Variants in SDC2 observed in about 807,000 individuals in gnomAD.
SDC2 encodes the protein syndecan-2.
A neutral mutation model predicts 22.2 loss-of-function variants in SDC2; 13 were observed. That is an observed-to-expected ratio of 0.59 (90% confidence interval 0.38 to 0.93). The LOEUF is 0.93. Ranked by LOEUF, SDC2 falls within the 40% of genes least tolerant of loss-of-function variation. The pLI, the probability that SDC2 is intolerant of heterozygous loss-of-function variation, is 0.00. For synonymous variants in SDC2, 94 were observed against 92.8 expected, an observed-to-expected ratio of 1.01 and a Z score of -0.07; for missense variants, 235 against 246.8, an observed-to-expected ratio of 0.95 and a Z score of 0.32.
At chr8:96,570,225 A>G (rs1438748702) in intron 1 of SDC2, among the ~76,000 whole-genome samples, 4 of 152,200 alleles carry the variant, frequency 2.6e-5, no homozygotes, top group Non-Finnish European at 2.9e-5. Context: ...TTCAGCGACT[A>G]TCCCAAGCTC....
rs575273690 is a variant in SDC2, at chr8:96,493,887, CT to C, written c.-382del. The C allele has an allele frequency of 5.1e-3, 1,046 of 207,082 alleles. 7 individuals carry two copies. Among genetic ancestry groups the C allele is most frequent in the South Asian group, 0.022 (208 of 9,604 alleles). 12.8% of individuals were successfully genotyped at this position (207,082 alleles called of 1,614,324 possible). ...GCCCCTAAACTTCTGCCGTAGCTCCCTTTCAAGCCAGCGAATTTATTCCTTA... is the reference window on the plus strand; with the variant it reads ...GCCCCTAAACTTCTGCCGTAGCTCCCTTCAAGCCAGCGAATTTATTCCTTA... On this transcript the variant is annotated 5_prime_UTR_variant, in exon 1 of 5. Coordinates refer to ENST00000302190, the MANE Select transcript of SDC2 (RefSeq NM_002998.4).
At chr8:96,574,199 A>C (rs1814449483) in intron 1 of SDC2, among the ~76,000 whole-genome samples, 1 of 152,040 alleles carries the variant, frequency 6.6e-6, no homozygotes, top group Admixed American at 6.5e-5. Flanking sequence ...GGGGTCTCGC[A>C]AGTCTCTAGC....
chr8:96,565,923 A>C lies in SDC2; in HGVS notation c.61-27557A>C, dbSNP rs571705228. On this transcript the variant is annotated intron_variant, in intron 1 of 4. Transcript: ENST00000302190. ...TACCCCACAGAAGATTCATATTGTT[A>C]GTGAAAAATATGCCACCGAGAAGAC... Among the ~76,000 whole-genome samples the C allele has an allele frequency of 2.0e-5, 3 of 152,234 alleles. No homozygotes were observed. In the South Asian group the frequency reaches 6.2e-4, roughly 32 times the overall value.
Position 96,565,299 on chromosome 8 carries a change from A to G in SDC2, c.61-28181A>G, listed in dbSNP as rs549505106. The stretch of plus-strand genomic sequence containing the variant: ...ACAGGGTTTCACCATGTTGGCCGGG[A>G]TGGTCTCGATCTCCTGACCTCGTGA... On this transcript the variant is annotated intron_variant, in intron 1 of 4. Transcript: ENST00000302190. Among the ~76,000 whole-genome samples, 7 of 151,194 alleles carry G rather than the reference A, an allele frequency of 4.6e-5. No homozygotes were observed. In the East Asian group the frequency reaches 1.4e-3, roughly 29 times the overall value.
At chr8:96,525,504 A>G (rs187023405) in intron 1 of SDC2, among the ~76,000 whole-genome samples, 38 of 152,274 alleles carry the variant, frequency 2.5e-4, no homozygotes, top group African/African-American at 8.7e-4. Context: ...GCTTGGGGGC[A>G]TGGAGAAGGT....
At chr8:96,494,675 G>A (rs550435940) in intron 1 of SDC2, among the ~76,000 whole-genome samples, 4 of 152,166 alleles carry the variant, frequency 2.6e-5, no homozygotes, top group African/African-American at 9.6e-5. Flanking sequence ...GTGGCAGGAG[G>A]GGGGAGCCTG....
intron 1 of SDC2, among the ~76,000 whole-genome samples, chr8:96,504,181 A>G (rs1331886567): frequency 6.6e-6 from 1 of 152,258 alleles, no homozygotes; most frequent in African/African-American, 2.4e-5. Flanking sequence ...GGCATATTAT[A>G]TTTGGCTAGT....
At chr8:96,540,092 G>A (rs947447572) in intron 1 of SDC2, among the ~76,000 whole-genome samples, 1 of 151,040 alleles carries the variant, frequency 6.6e-6, no homozygotes, top group African/African-American at 2.4e-5. Flanking sequence ...TTCATTACAT[G>A]AATATGAAAA....
intron 1 of SDC2, among the ~76,000 whole-genome samples, chr8:96,494,877 A>G (rs1418686565): frequency 2.0e-5 from 3 of 152,162 alleles, no homozygotes; most frequent in Non-Finnish European, 4.4e-5. Flanking sequence ...AAAGTTTGCA[A>G]AAGTTCTTTT....
chr8:96,608,581 G>C, intron 4 of SDC2, 111 bp downstream of exon 4: 2 of 940,278 alleles, frequency 2.1e-6, no homozygotes, highest in Non-Finnish European at 3.1e-6. Flanking sequence ...GCTGAAAGCA[G>C]TCTTGTGGGT....
chr8:96,494,121 A>G lies in SDC2; in HGVS notation c.-151A>G. On this transcript the variant is annotated 5_prime_UTR_variant, in exon 1 of 5. Coordinates refer to ENST00000302190, the MANE Select transcript of SDC2 (RefSeq NM_002998.4). ...CAGGAGGAGGAAGCGAGCGCCCCCG[A>G]GCCCCGAGCCCGAGTCCCCGAGCCT... The G allele has an allele frequency of 1.4e-6, 1 of 716,494 alleles. No individual in the cohort carries two copies. The highest frequency in any genetic ancestry group is 2.2e-6 in the Non-Finnish European group (1 of 454,808). 44.4% of individuals were successfully genotyped at this position (716,494 alleles called of 1,614,324 possible).
chr8:96,583,609 CTAACCAGTTATCT>C (rs905732785), intron 1 of SDC2, among the ~76,000 whole-genome samples: 3 of 149,990 alleles, frequency 2.0e-5, no homozygotes, highest in Admixed American at 1.3e-4. Flanking sequence ...ATCCACCACC[CTAACCAGTTATCT>C]TTCTTCTTCA....
At chr8:96,518,308 C>T (rs1003551007) in intron 1 of SDC2, among the ~76,000 whole-genome samples, 2 of 150,902 alleles carry the variant, frequency 1.3e-5, no homozygotes, top group African/African-American at 2.4e-5. Context: ...TCCTGTGACA[C>T]GGTGCACTTC....
At chr8:96,542,381 A>G (rs1813864698) in intron 1 of SDC2, among the ~76,000 whole-genome samples, 1 of 152,254 alleles carries the variant, frequency 6.6e-6, no homozygotes. Context: ...CACAGCACCC[A>G]GCACAGTAAA....
At chr8:96,579,005 G>A (rs1586311303) in intron 1 of SDC2, among the ~76,000 whole-genome samples, 1 of 152,224 alleles carries the variant, frequency 6.6e-6, no homozygotes, top group Admixed American at 6.5e-5. Flanking sequence ...TTGTAGCTCA[G>A]TCCCTTGTAA....
chr8:96,608,198 C>A, intron 3 of SDC2, 137 bp from the exon 4 acceptor site: 2 of 748,726 alleles, frequency 2.7e-6, no homozygotes, highest in Non-Finnish European at 4.3e-6. Context: ...ATAAACATCA[C>A]ACAAGTGATT....
intron 1 of SDC2, among the ~76,000 whole-genome samples, chr8:96,518,264 G>C (rs1044214013): frequency 7.9e-5 from 12 of 151,556 alleles, no homozygotes; most frequent in Admixed American, 7.2e-4. Context: ...GGTAAAAAAT[G>C]CCTGACAGAA....
At chr8:96,574,606 A>G (rs552119363) in intron 1 of SDC2, among the ~76,000 whole-genome samples, 1 of 152,162 alleles carries the variant, frequency 6.6e-6, no homozygotes, top group African/African-American at 2.4e-5. Flanking sequence ...CAGGCCTGCT[A>G]TCTGTGTGGT....
At chr8:96,575,445 G>C (rs1029632843) in intron 1 of SDC2, among the ~76,000 whole-genome samples, 2 of 152,094 alleles carry the variant, frequency 1.3e-5, no homozygotes, top group Admixed American at 1.3e-4. Flanking sequence ...GTTTGTTTTA[G>C]TCAACTTTTC....
Sources: allele counts gnomAD v4.1 joint callset (sites outside exome capture counted in the v4.1 genomes callset), GRCh38; gene constraint gnomAD v4.1.1; transcripts MANE v1.5; gene names NCBI Gene and HGNC (gene_info 2026-07-23, HGNC 2026-07-21).